PRORP: variants seen among roughly 807,000 people sequenced by gnomAD.
The protein encoded by PRORP is mitochondrial ribonuclease P catalytic subunit.
PRORP carries 51 observed loss-of-function variants against 59.4 expected under a neutral mutation model. The observed-to-expected ratio is 0.86, with a 90% CI of 0.69 to 1.08. PRORP has a LOEUF of 1.08. PRORP is among the 50% of genes least tolerant of loss of function. PRORP has a pLI of 0.00. For synonymous variants in PRORP, 231 were observed against 245.6 expected, an observed-to-expected ratio of 0.94 and a Z score of 0.55; for missense variants, 646 against 690.3, an observed-to-expected ratio of 0.94 and a Z score of 0.72.
intron 5 of PRORP, among the ~76,000 whole-genome samples, chr14:35,204,965 G>C (rs1228561520): frequency 3.9e-5 from 6 of 152,006 alleles, no homozygotes; most frequent in African/African-American, 1.4e-4. Flanking sequence ...AGTCTAATAA[G>C]GTATTATTTT....
At chr14:35,217,110 G>A (rs2049619625) in intron 5 of PRORP, among the ~76,000 whole-genome samples, 2 of 152,066 alleles carry the variant, frequency 1.3e-5, no homozygotes, top group Non-Finnish European at 2.9e-5. Context: ...TCACTTTCTT[G>A]AAGATGACTT....
chr14:35,200,472 G>A (rs780998600), intron 5 of PRORP, among the ~76,000 whole-genome samples: 27 of 152,234 alleles, frequency 1.8e-4, no homozygotes, highest in Non-Finnish European at 2.9e-4. Context: ...TTACAGGTGT[G>A]AGCCACCGCG....
chr14:35,242,826 G>T (rs2050399241), intron 5 of PRORP, among the ~76,000 whole-genome samples: 1 of 152,132 alleles, frequency 6.6e-6, no homozygotes, highest in Non-Finnish European at 1.5e-5. Context: ...GACATTATTT[G>T]CAGAGTGCTC....
intron 5 of PRORP, among the ~76,000 whole-genome samples, chr14:35,208,101 G>C (rs1449689211): frequency 6.6e-6 from 1 of 151,338 alleles, no homozygotes; most frequent in African/African-American, 2.4e-5. Flanking sequence ...AGTGAGCCGA[G>C]ATCGTGCTAC....
At position 35,267,844 on chromosome 14, in the gene PRORP, G is replaced by A. The variant is rs540149084; in HGVS notation, c.1424+969G>A. On this transcript the variant is annotated intron_variant, in intron 6 of 7. Transcript: ENST00000534898. ...TAAGCTTGGCATGTGTTTGAGGAAA[G>A]CAACACGGCCAGTTGGGCTATAATA... Among the ~76,000 whole-genome samples the A allele has an allele frequency of 2.4e-4, 37 of 152,176 alleles. 1 individual carries two copies. The South Asian group carries it at 5.8e-3, about 24-fold the overall frequency.
rs2047126285 is a variant in PRORP, at chr14:35,127,471, A to G, written c.1035-8A>G. 6.5e-7 allele frequency: 1 copy of G among 1,547,158 alleles called. No homozygotes were observed. Among genetic ancestry groups the G allele is most frequent in the Non-Finnish European group, 8.7e-7 (1 of 1,151,428 alleles). Reference sequence around the variant, plus strand: ...TTAAATATTATTATTTAACAATTATAATTACAGTGGCCAGTGTTCGGGCTG... The same window carrying G: ...TTAAATATTATTATTTAACAATTATGATTACAGTGGCCAGTGTTCGGGCTG... On this transcript the variant is annotated splice_region_variant and splice_polypyrimidine_tract_variant and intron_variant, in intron 3 of 7. Transcript: ENST00000534898.
At chr14:35,235,539 A>C in intron 5 of PRORP, 1 of 580,106 alleles carries the variant, frequency 1.7e-6, no homozygotes, top group Non-Finnish European at 3.3e-6. Flanking sequence ...TTCTCCTCCA[A>C]GGTGGTGATG....
intron 4 of PRORP, among the ~76,000 whole-genome samples, chr14:35,169,416 C>T (rs1039924288): frequency 5.9e-5 from 9 of 152,038 alleles, no homozygotes; most frequent in African/African-American, 2.2e-4. Flanking sequence ...TCTCACACTG[C>T]TATAAAGAAC....
chr14:35,155,002 A>G (rs1195732704), intron 4 of PRORP, among the ~76,000 whole-genome samples: 1 of 152,048 alleles, frequency 6.6e-6, no homozygotes, highest in African/African-American at 2.4e-5. Flanking sequence ...TCAGGTGATC[A>G]TCCCACCTCA....
chr14:35,179,433 A>G (rs1293215196), intron 4 of PRORP, among the ~76,000 whole-genome samples: 1 of 151,900 alleles, frequency 6.6e-6, no homozygotes, highest in Non-Finnish European at 1.5e-5. Flanking sequence ...GGCTTTGTTC[A>G]TTTCTTTTTC....
rs546204480 is a variant in PRORP at position 35,197,307 on chromosome 14, T to C, written c.1275+16530T>C. Among the ~76,000 whole-genome samples the C allele has an allele frequency of 3.1e-4, 47 of 152,332 alleles. No individual in the cohort carries two copies. In the South Asian group the frequency reaches 9.5e-3, roughly 31 times the overall value. On this transcript the variant is annotated intron_variant, in intron 5 of 7. Coordinates refer to ENST00000534898, the MANE Select transcript of PRORP (RefSeq NM_014672.4). ...GAGTGTGGTAGGAAGAGGCCACTTA[T>C]GAAAATATAATATCCATTTTAACAA...
chr14:35,143,631 T>TTTTGTTTG (rs199887396), intron 4 of PRORP, among the ~76,000 whole-genome samples: 11 of 145,094 alleles, frequency 7.6e-5, no homozygotes, highest in African/African-American at 2.4e-4. Flanking sequence ...GACAGATAGT[T>TTTTGTTTG]TTTGTTTGTT....
intron 5 of PRORP, among the ~76,000 whole-genome samples, chr14:35,224,132 T>C (rs937551422): frequency 5.3e-5 from 8 of 152,156 alleles, no homozygotes; most frequent in African/African-American, 1.7e-4. Context: ...TAGCTAGCAT[T>C]GTAAAGCCAG....
At chr14:35,205,345 A>G (rs1312232900) in intron 5 of PRORP, among the ~76,000 whole-genome samples, 1 of 152,034 alleles carries the variant, frequency 6.6e-6, no homozygotes, top group East Asian at 1.9e-4. Context: ...CCATGCTTAG[A>G]TAATTTTTTT....
At chr14:35,209,858 T>A (rs1347031332) in intron 5 of PRORP, among the ~76,000 whole-genome samples, 2 of 152,186 alleles carry the variant, frequency 1.3e-5, no homozygotes, top group Non-Finnish European at 2.9e-5. Context: ...TTGACATATG[T>A]GCTCAGTTGA....
At chr14:35,218,407 G>C (rs1373761479) in intron 5 of PRORP, among the ~76,000 whole-genome samples, 2 of 125,884 alleles carry the variant, frequency 1.6e-5, no homozygotes, top group Non-Finnish European at 3.2e-5. Flanking sequence ...GCTGCAGTAA[G>C]CTGTTCTTGT....
rs2047020435 is a variant in PRORP at position 35,124,000 on chromosome 14, A to G, written c.755A>G (p.Gln252Arg). The change falls in exon 2 of 8, where the codon CAG becomes CGG. Residue 252 changes from glutamine to arginine, a missense_variant. Coordinates refer to ENST00000534898, the MANE Select transcript of PRORP (RefSeq NM_014672.4). ...AAAAAGAACTATAATGACTGTATCCAGGGAGCTCTCCTTCATCAAGATGTA... is the reference window on the plus strand; with the variant it reads ...AAAAAGAACTATAATGACTGTATCCGGGGAGCTCTCCTTCATCAAGATGTA... Reference protein sequence around the residue: ...PSKKNYNDCIQGALLHQDVNT... With the variant: ...PSKKNYNDCIRGALLHQDVNT... 20 of 1,614,112 alleles carry G rather than the reference A, an allele frequency of 1.2e-5. No homozygotes were observed. Among genetic ancestry groups the G allele is most frequent in the Non-Finnish European group, 1.7e-5 (20 of 1,180,006 alleles).
At chr14:35,200,112 G>T (rs1007002183) in intron 5 of PRORP, among the ~76,000 whole-genome samples, 8 of 152,134 alleles carry the variant, frequency 5.3e-5, no homozygotes, top group African/African-American at 1.7e-4. Context: ...TTTACCAAAA[G>T]AACTTGAAGG....
At chr14:35,158,960 T>A in intron 4 of PRORP, 1 of 348,294 alleles carries the variant, frequency 2.9e-6, no homozygotes, top group South Asian at 2.6e-5. Context: ...ACTGATTCTC[T>A]GGATACTTGA....
Sources: gnomAD v4.1 joint callset for allele counts (sites outside exome capture counted in the v4.1 genomes callset) on GRCh38, gnomAD v4.1.1 for gene constraint, MANE v1.5 for transcripts, NCBI Gene and HGNC (gene_info 2026-07-23, HGNC 2026-07-21) for gene names.